EPB41L5: variants seen among roughly 807,000 people sequenced by gnomAD.
The protein encoded by EPB41L5 is band 4.1-like protein 5.
A neutral mutation model predicts 106.6 loss-of-function variants in EPB41L5; 55 were observed. The observed-to-expected ratio is 0.52, with a 90% CI of 0.42 to 0.65. EPB41L5 has a LOEUF of 0.65. Among genes scored for constraint, EPB41L5 ranks in the 30% least tolerant of loss-of-function variants. EPB41L5 has a pLI of 0.00. For missense variants in EPB41L5, 871 were observed against 882.1 expected (o/e 0.99, Z 0.16); for synonymous variants, 297 against 306.7 (o/e 0.97, Z 0.33).
At chr2:120,040,086 T>A (rs1679307312) in intron 2 of EPB41L5, among the ~76,000 whole-genome samples, 2 of 149,768 alleles carry the variant, frequency 1.3e-5, no homozygotes, top group Admixed American at 6.7e-5. Context: ...TATATATATA[T>A]ACGTATTTAA....
intron 16 of EPB41L5, 119 bp from the exon 17 acceptor site, chr2:120,127,569 G>T: frequency 4.1e-6 from 3 of 725,574 alleles, no homozygotes; most frequent in African/African-American, 1.8e-5. Context: ...TTTTATTTTT[G>T]ATTCATGGTT....
chr2:120,152,086 CATTCTT>C (rs1328392752), intron 20 of EPB41L5, among the ~76,000 whole-genome samples: 1 of 152,158 alleles, frequency 6.6e-6, no homozygotes, highest in African/African-American at 2.4e-5. Flanking sequence ...CAAAAACTGA[CATTCTT>C]ATTTTATTCC....
chr2:120,013,644 T>C (rs1206653832), intron 1 of EPB41L5: 1 of 152,082 alleles, frequency 6.6e-6, no homozygotes, highest in Non-Finnish European at 1.5e-5. Context: ...TAACCTGTAT[T>C]TGAGAAAAAC....
intron 19 of EPB41L5, 113 bp from the exon 20 acceptor site, chr2:120,146,112 A>G: frequency 1.5e-6 from 1 of 674,916 alleles, no homozygotes. Flanking sequence ...ATTACCTCTT[A>G]TTTTAATTAA....
intron 24 of EPB41L5, among the ~76,000 whole-genome samples, chr2:120,174,203 C>G (rs112289321): frequency 6.6e-6 from 1 of 152,110 alleles, no homozygotes; most frequent in Non-Finnish European, 1.5e-5. Context: ...TGCCTGTAAT[C>G]GCAGCACTTT....
Position 120,178,580 on chromosome 2 carries a change from C to T in EPB41L5, c.*3673C>T, listed in dbSNP as rs1243715560. The T allele has an allele frequency of 1.3e-5, 2 of 152,208 alleles. No homozygotes were observed. The highest frequency in any genetic ancestry group is 2.9e-5 in the Non-Finnish European group (2 of 68,040). The allele number at this position is 152,208 out of a possible 1,614,324, so 9.4% of individuals were successfully genotyped here. A position where few individuals can be genotyped will look rare whatever the true frequency, so the allele number is the denominator to read the frequency against. On this transcript the variant is annotated 3_prime_UTR_variant, in exon 25 of 25. Coordinates refer to ENST00000263713, the MANE Select transcript of EPB41L5 (RefSeq NM_020909.4). ...TTCTAGATTATTTGTCCTTTTTATC[C>T]TCTCAAAAATTTAAACACTGTACCT... is the stretch of plus-strand genomic sequence containing the variant.
chr2:120,056,745 T>A (rs934980335), intron 3 of EPB41L5, among the ~76,000 whole-genome samples: 7 of 151,938 alleles, frequency 4.6e-5, no homozygotes, highest in African/African-American at 1.2e-4. Flanking sequence ...CCCCCTCTTG[T>A]ATTTTTTTGG....
chr2:120,164,832 A>G lies in EPB41L5; in HGVS notation c.1888-4A>G, dbSNP rs367782528. The G allele has an allele frequency of 1.3e-4, 213 of 1,605,292 alleles. No homozygotes were observed. Among genetic ancestry groups the G allele is most frequent in the Middle Eastern group, 3.3e-4 (2 of 6,050 alleles). The stretch of plus-strand genomic sequence containing the variant: ...TAACAATTCTAGATTCCTGTCTTCC[A>G]TAGGAAGCTACAGATGAATTGGATG... On this transcript the variant is annotated splice_region_variant and splice_polypyrimidine_tract_variant and intron_variant, in intron 21 of 24. Coordinates refer to ENST00000263713, the MANE Select transcript of EPB41L5 (RefSeq NM_020909.4).
At chr2:120,019,310 C>T (rs758376794) in intron 2 of EPB41L5, 46 bp downstream of exon 2, 2 of 1,550,862 alleles carry the variant, frequency 1.3e-6, no homozygotes, top group East Asian at 4.5e-5. Context: ...CGATTACTGT[C>T]TTTGTTTGTT....
rs1435445642 is a variant in EPB41L5 at position 120,090,373 on chromosome 2, C to T, written c.900C>T (p.Val300=). ...GCAAAGAACAGGAACATACATTTGT[C>T]TTTAGACTGGATCATCCAAAAGCAT... The part of the protein sequence containing the change: ...DQGKEQEHTF[V]FRLDHPKACK... The change falls in exon 12 of 25, where the codon GTC becomes GTT. Residue 300 remains valine (V), a synonymous_variant. Coordinates refer to ENST00000263713, the MANE Select transcript of EPB41L5 (RefSeq NM_020909.4). 6.8e-6 allele frequency: 11 copies of T among 1,609,880 alleles called. No homozygotes were observed. The East Asian group carries it at 2.2e-4, about 33-fold the overall frequency.
At chr2:120,134,478 C>G (rs1174135094) in intron 18 of EPB41L5, among the ~76,000 whole-genome samples, 1 of 152,136 alleles carries the variant, frequency 6.6e-6, no homozygotes, top group Non-Finnish European at 1.5e-5. Context: ...CACCACATAC[C>G]TCGGGTGAGA....
intron 2 of EPB41L5, among the ~76,000 whole-genome samples, chr2:120,039,519 A>T (rs1171996427): frequency 6.6e-6 from 1 of 152,182 alleles, no homozygotes; most frequent in Non-Finnish European, 1.5e-5. Context: ...TGGTTGGAGA[A>T]CTTAGGCATT....
At chr2:120,130,861 C>G (rs369977002) in intron 17 of EPB41L5, among the ~76,000 whole-genome samples, 4 of 152,112 alleles carry the variant, frequency 2.6e-5, no homozygotes, top group Non-Finnish European at 5.9e-5. Flanking sequence ...CAAAGTTTCC[C>G]CCTCTTTTCT....
rs183490358 is a variant in EPB41L5, at chr2:120,032,108, C to T, written c.181-9898C>T. 1.6e-3 allele frequency among the ~76,000 whole-genome samples: 249 copies of T among 152,178 alleles called. 2 individuals are homozygous for T. The highest frequency in any genetic ancestry group is 0.015 in the South Asian group (70 of 4,818). The stretch of plus-strand genomic sequence containing the variant: ...GATAAAAATGCTGAAATGGGCCAGG[C>T]GCGGTGGCTCACACCTGTAATCCCA... On this transcript the variant is annotated intron_variant, in intron 2 of 24. Coordinates refer to ENST00000263713, the MANE Select transcript of EPB41L5 (RefSeq NM_020909.4).
chr2:120,119,269 T>A (rs1017980685), intron 16 of EPB41L5, among the ~76,000 whole-genome samples: 1 of 152,210 alleles, frequency 6.6e-6, no homozygotes, highest in South Asian at 2.1e-4. Flanking sequence ...TCCCATTCTG[T>A]AAGTTGTCTG....
chr2:120,106,359 A>T (rs1684452877), intron 16 of EPB41L5: 1 of 985,074 alleles, frequency 1.0e-6, no homozygotes, highest in African/African-American at 1.7e-5. Flanking sequence ...TATTGCAAAT[A>T]CTTGTTCTTT....
At chr2:120,108,998 G>A (rs1383213530) in intron 16 of EPB41L5, among the ~76,000 whole-genome samples, 2 of 152,192 alleles carry the variant, frequency 1.3e-5, no homozygotes, top group Non-Finnish European at 2.9e-5. Flanking sequence ...GGCATTTGTT[G>A]CAGTGAAAGA....
chr2:120,113,944 T>C (rs1201472263), intron 16 of EPB41L5, among the ~76,000 whole-genome samples: 1 of 152,238 alleles, frequency 6.6e-6, no homozygotes, highest in African/African-American at 2.4e-5. Context: ...TTGTGAATGA[T>C]GCTATGAACA....
intron 15 of EPB41L5, 54 bp from the exon 16 acceptor site, chr2:120,100,645 G>A: frequency 1.6e-6 from 2 of 1,254,138 alleles, no homozygotes; most frequent in Non-Finnish European, 2.3e-6. Flanking sequence ...ATTTGTTGGT[G>A]AAGAGATCTG....
Sources: gnomAD v4.1 joint callset for allele counts (sites outside exome capture counted in the v4.1 genomes callset) on GRCh38, gnomAD v4.1.1 for gene constraint, MANE v1.5 for transcripts, NCBI Gene and HGNC (gene_info 2026-07-23, HGNC 2026-07-21) for gene names.